Variants in MYO1E observed in about 807,000 individuals in gnomAD.
MYO1E encodes the protein unconventional myosin-Ie.
A neutral mutation model predicts 151.1 loss-of-function variants in MYO1E; 68 were observed. The ratio of observed to expected loss-of-function variants is 0.45; its 90% CI spans 0.37 to 0.55. The LOEUF (loss-of-function observed/expected upper bound fraction) is 0.55. Ranked by LOEUF, MYO1E falls within the 20% of genes least tolerant of loss-of-function variation. The probability of loss-of-function intolerance (pLI) is 0.00; values close to 1 mark genes in which losing one functional copy is unlikely to be tolerated. For missense variants in MYO1E, 1,363 were observed against 1,389.3 expected (o/e 0.98, Z 0.30); for synonymous variants, 601 against 501.7 (o/e 1.20, Z -2.64).
At chr15:59,303,423 G>A (rs1042391225) in intron 1 of MYO1E, among the ~76,000 whole-genome samples, 1 of 152,092 alleles carries the variant, frequency 6.6e-6, no homozygotes, top group Non-Finnish European at 1.5e-5. Flanking sequence ...TAGCTACTGA[G>A]GAGGCTGAGG....
intron 1 of MYO1E, among the ~76,000 whole-genome samples, chr15:59,275,665 A>G (rs575473456): frequency 5.9e-5 from 9 of 152,310 alleles, no homozygotes; most frequent in South Asian, 4.1e-4. Context: ...GGGAGAGAGT[A>G]AAGAACCTGG....
intron 26 of MYO1E, among the ~76,000 whole-genome samples, chr15:59,145,796 G>GCA (rs1376195438): frequency 6.6e-6 from 1 of 152,132 alleles, no homozygotes; most frequent in African/African-American, 2.4e-5. Flanking sequence ...TCCCAACTCC[G>GCA]CACTCAGTAG....
At chr15:59,343,672 T>C (rs1409874922) in intron 1 of MYO1E, among the ~76,000 whole-genome samples, 1 of 152,152 alleles carries the variant, frequency 6.6e-6, no homozygotes, top group Non-Finnish European at 1.5e-5. Flanking sequence ...TTCTAGATCT[T>C]GTAGGTGGGC....
At chr15:59,195,955 T>C (rs1317005295) in intron 16 of MYO1E, among the ~76,000 whole-genome samples, 1 of 152,242 alleles carries the variant, frequency 6.6e-6, no homozygotes, top group Non-Finnish European at 1.5e-5. Flanking sequence ...TGAAGATATA[T>C]TGTTCTCATT....
intron 25 of MYO1E, among the ~76,000 whole-genome samples, chr15:59,154,905 G>C (rs201624321): frequency 6.6e-6 from 1 of 152,176 alleles, no homozygotes; most frequent in African/African-American, 2.4e-5. Context: ...CTTTCAAGAG[G>C]GTGGCTCCTC....
chr15:59,318,118 G>A (rs556476279), intron 1 of MYO1E, among the ~76,000 whole-genome samples: 4 of 152,168 alleles, frequency 2.6e-5, no homozygotes, highest in Non-Finnish European at 4.4e-5. Flanking sequence ...TTTCATGAGT[G>A]CATGTGGTCA....
intron 12 of MYO1E, chr15:59,212,882 T>A (rs1200509357): frequency 6.6e-6 from 1 of 151,572 alleles, no homozygotes; most frequent in Admixed American, 6.6e-5. Flanking sequence ...GAGACTGGAG[T>A]CAAACTGCCA....
At chr15:59,160,096 A>C (rs2079529046) in intron 24 of MYO1E, among the ~76,000 whole-genome samples, 1 of 152,162 alleles carries the variant, frequency 6.6e-6, no homozygotes, top group Non-Finnish European at 1.5e-5. Context: ...TCGGCCTCCC[A>C]AAGTGCAGGG....
chr15:59,245,213 G>T (rs1205342466), intron 4 of MYO1E, among the ~76,000 whole-genome samples: 1 of 152,238 alleles, frequency 6.6e-6, no homozygotes, highest in African/African-American at 2.4e-5. Flanking sequence ...TCAAAGGCAG[G>T]AAGATAGCTT....
At chr15:59,368,355 C>T (rs1391629465) in intron 1 of MYO1E, among the ~76,000 whole-genome samples, 1 of 151,998 alleles carries the variant, frequency 6.6e-6, no homozygotes, top group Non-Finnish European at 1.5e-5. Flanking sequence ...GTGGCTCATG[C>T]CTGTAATCAC....
intron 22 of MYO1E, among the ~76,000 whole-genome samples, chr15:59,164,940 G>A (rs533302761): frequency 6.6e-6 from 1 of 152,236 alleles, no homozygotes; most frequent in African/African-American, 2.4e-5. Context: ...TCATGAATTG[G>A]ATTAGTGACC....
At chr15:59,246,071 C>A (rs1004927985) in intron 4 of MYO1E, among the ~76,000 whole-genome samples, 1 of 152,026 alleles carries the variant, frequency 6.6e-6, no homozygotes, top group Non-Finnish European at 1.5e-5. Flanking sequence ...ACCTACCAAG[C>A]CTTCAGGTGC....
intron 14 of MYO1E, chr15:59,207,069 C>T: frequency 6.2e-7 from 1 of 1,614,226 alleles, no homozygotes. Context: ...GCACCTGGCT[C>T]TTCACCCCCG....
At chr15:59,138,468 CA>C (rs1308274648) in intron 26 of MYO1E, 101 bp from the exon 27 acceptor site, 2 of 1,281,306 alleles carry the variant, frequency 1.6e-6, no homozygotes. Context: ...TGTTCAAGTT[CA>C]AATCCAGCTC....
At chr15:59,193,197 G>C (rs769703371) in intron 17 of MYO1E, among the ~76,000 whole-genome samples, 10 of 150,238 alleles carry the variant, frequency 6.7e-5, no homozygotes, top group Admixed American at 1.3e-4. Context: ...TCAGAAACTC[G>C]GGATGGAGCC....
intron 16 of MYO1E, among the ~76,000 whole-genome samples, chr15:59,196,241 A>G (rs1283965637): frequency 6.6e-6 from 1 of 152,206 alleles, no homozygotes; most frequent in Non-Finnish European, 1.5e-5. Context: ...AATATTCTAT[A>G]TAAAACCTTC....
In MYO1E at chr15:59,241,721, TAAATAA is replaced by T. The variant is rs1386254567; in HGVS notation, c.333-5055_333-5050del. 4.1e-4 allele frequency among the ~76,000 whole-genome samples: 62 copies of T among 151,262 alleles called. No individual in the cohort carries two copies. In the East Asian group the frequency reaches 0.01, roughly 26 times the overall value. On this transcript the variant is annotated intron_variant, in intron 4 of 27. Coordinates refer to ENST00000288235, the MANE Select transcript of MYO1E (RefSeq NM_004998.4). The stretch of plus-strand genomic sequence containing the variant: ...TCCATCTCAAAAATAAATAGATAAA[TAAATAA>T]AAATAAAAATAAAAATTTTTAAATA...
At chr15:59,225,520 C>T (rs1216945082) in intron 7 of MYO1E, among the ~76,000 whole-genome samples, 3 of 152,190 alleles carry the variant, frequency 2.0e-5, no homozygotes, top group Non-Finnish European at 2.9e-5. Context: ...TACTTCCCTG[C>T]TGGCTCTTCA....
chr15:59,273,487 A>C (rs754095404), intron 1 of MYO1E, among the ~76,000 whole-genome samples: 3 of 152,226 alleles, frequency 2.0e-5, no homozygotes, highest in Non-Finnish European at 4.4e-5. Context: ...CGTCAATAAC[A>C]GTCAACATAA....
Sources: allele counts gnomAD v4.1 joint callset (sites outside exome capture counted in the v4.1 genomes callset), GRCh38; gene constraint gnomAD v4.1.1; transcripts MANE v1.5; gene names NCBI Gene and HGNC (gene_info 2026-07-23, HGNC 2026-07-21).